OVCH1: variants seen among roughly 807,000 people sequenced by gnomAD.
OVCH1 encodes the protein ovochymase-1.
OVCH1 carries 139 observed loss-of-function variants against 138.4 expected under a neutral mutation model. The ratio of observed to expected loss-of-function variants is 1.00; its 90% CI spans 0.87 to 1.16. The LOEUF (loss-of-function observed/expected upper bound fraction) is 1.16, where lower values mean the gene tolerates loss of function less well. Among genes scored for constraint, OVCH1 ranks in the 50% most tolerant of loss-of-function variants. OVCH1 has a pLI of 0.00. For synonymous variants in OVCH1, 453 were observed against 467.8 expected (o/e 0.97, Z 0.41); for missense variants, 1,367 against 1,357.9 (o/e 1.01, Z -0.11).
At chr12:29,475,262 C>T in intron 13 of OVCH1, 73 bp from the exon 14 acceptor site, 1 of 1,219,262 alleles carries the variant, frequency 8.2e-7, no homozygotes, top group Non-Finnish European at 1.1e-6. Flanking sequence ...AAAATAATCA[C>T]CCAATTTTCT....
At chr12:29,402,284 C>T in the OVCH1 span, among the ~76,000 whole-genome samples, 1 of 152,152 alleles carries the variant, frequency 6.6e-6, no homozygotes, top group Non-Finnish European at 1.5e-5. Flanking sequence ...ATTAGAGAAT[C>T]CCTATTGCAA....
chr12:29,497,258 T>C (rs1470946622), intron 1 of OVCH1, among the ~76,000 whole-genome samples: 3 of 138,922 alleles, frequency 2.2e-5, no homozygotes, highest in African/African-American at 3.2e-5. Context: ...CCAGACCCTG[T>C]CTCAAACAAA....
rs796114866 is a variant in OVCH1, at chr12:29,476,969, G to C, written c.1377+133C>G. ...CCACTCACAGAGATTTCTTTTCAGA[G>C]TAAAAAAAAATGGCAAATGGCTAAA... is the stretch of plus-strand genomic sequence containing the variant. On this transcript the variant is annotated intron_variant, in intron 12 of 27. Coordinates refer to ENST00000318184, the Ensembl canonical transcript of OVCH1. 17 of 1,094,596 alleles carry C rather than the reference G, an allele frequency of 1.6e-5. No individual in the cohort carries two copies. In the African/African-American group the frequency reaches 2.5e-4, roughly 16 times the overall value. The allele number at this position is 1,094,596 out of a possible 1,614,324, so 67.8% of individuals were successfully genotyped here. A position where few individuals can be genotyped will look rare whatever the true frequency, so the allele number is the denominator to read the frequency against.
At chr12:29,451,023 G>A (rs1479889526) in intron 22 of OVCH1, among the ~76,000 whole-genome samples, 2 of 151,424 alleles carry the variant, frequency 1.3e-5, no homozygotes, top group Non-Finnish European at 2.9e-5. Flanking sequence ...TTGGGGGGTG[G>A]GGGGCTAGGG....
intron 22 of OVCH1, among the ~76,000 whole-genome samples, chr12:29,447,341 G>T (rs949712234): frequency 3.3e-5 from 5 of 152,024 alleles, no homozygotes; most frequent in African/African-American, 1.2e-4. Context: ...CTCCATTAAT[G>T]ATTATTTTTA....
intron 26 of OVCH1, among the ~76,000 whole-genome samples, chr12:29,434,060 C>T (rs776003540): frequency 3.3e-5 from 5 of 152,096 alleles, no homozygotes; most frequent in Non-Finnish European, 4.4e-5. Flanking sequence ...AATAGTTACC[C>T]GTTTTCATAA....
intron 14 of OVCH1, among the ~76,000 whole-genome samples, chr12:29,473,960 C>T (rs1592088635): frequency 6.6e-6 from 1 of 151,954 alleles, no homozygotes; most frequent in East Asian, 1.9e-4. Flanking sequence ...CACTGGACTC[C>T]AAGTTCTTCA....
At position 29,443,514 on chromosome 12, in the gene OVCH1, G is replaced by A; in HGVS notation, c.3018-14C>T. 5 of 1,571,150 alleles carry A rather than the reference G, an allele frequency of 3.2e-6. No homozygotes were observed. The highest frequency in any genetic ancestry group is 4.3e-6 in the Non-Finnish European group (5 of 1,156,084). On this transcript the variant is annotated splice_polypyrimidine_tract_variant and intron_variant, in intron 24 of 27. Coordinates refer to ENST00000318184, the Ensembl canonical transcript of OVCH1. ...CTCCATTGGCAACTATGGCATAGAT[G>A]AAACAAAGTCAGAAATTATTTCTAA... is the stretch of plus-strand genomic sequence containing the variant.
At chr12:29,489,084 C>T (rs1299011289) in intron 6 of OVCH1, among the ~76,000 whole-genome samples, 1 of 152,136 alleles carries the variant, frequency 6.6e-6, no homozygotes, top group Non-Finnish European at 1.5e-5. Context: ...AAACTTAAAA[C>T]TCATGTGTTT....
At chr12:29,433,183 G>T (rs73278706) in intron 27 of OVCH1, among the ~76,000 whole-genome samples, 26,345 of 151,862 alleles carry the variant, frequency 0.17, 2,549 homozygotes, top group African/African-American at 0.27. Flanking sequence ...GTTTTGCTGT[G>T]TCCACACCCA....
chr12:29,475,267 T>G (rs1942665419), intron 13 of OVCH1, 78 bp from the exon 14 acceptor site: 2 of 1,187,872 alleles, frequency 1.7e-6, no homozygotes, highest in African/African-American at 3.2e-5. Flanking sequence ...AATCACCCAA[T>G]TTTCTAATCA....
intron 3 of OVCH1, among the ~76,000 whole-genome samples, chr12:29,415,453 A>T (rs1231722769): frequency 1.3e-5 from 2 of 152,196 alleles, no homozygotes; most frequent in Admixed American, 1.3e-4. Flanking sequence ...TCCACGAGAA[A>T]TTTATAAAAT....
intron 3 of OVCH1, among the ~76,000 whole-genome samples, chr12:29,417,450 C>T (rs7975748): frequency 7.7e-6 from 1 of 130,300 alleles, no homozygotes; most frequent in East Asian, 2.3e-4. Flanking sequence ...GTGACAGAAA[C>T]ACTCCGTCTC....
At chr12:29,415,771 C>A (rs1160012223) in intron 3 of OVCH1, among the ~76,000 whole-genome samples, 2 of 152,138 alleles carry the variant, frequency 1.3e-5, no homozygotes, top group Non-Finnish European at 2.9e-5. Context: ...ATCAAAATCA[C>A]AGCAAGGGCT....
chr12:29,495,799 T>C (rs1327892919), intron 3 of OVCH1, among the ~76,000 whole-genome samples: 1 of 152,226 alleles, frequency 6.6e-6, no homozygotes, highest in Non-Finnish European at 1.5e-5. Context: ...ATTAGTACCC[T>C]CTTTTAATCT....
At chr12:29,438,666 G>A (rs536019832) in intron 26 of OVCH1, among the ~76,000 whole-genome samples, 12 of 152,142 alleles carry the variant, frequency 7.9e-5, no homozygotes, top group Admixed American at 3.3e-4. Context: ...TCAAATTTTA[G>A]GGTTATTCCT....
At chr12:29,494,065 A>G (rs1943346313) in intron 4 of OVCH1, among the ~76,000 whole-genome samples, 1 of 152,216 alleles carries the variant, frequency 6.6e-6, no homozygotes, top group Admixed American at 6.5e-5. Flanking sequence ...GGCCTGGCTC[A>G]TGATTACAGA....
chr12:29,443,567 C>T (rs1020636189), intron 24 of OVCH1, 67 bp from the exon 25 acceptor site: 4 of 1,418,938 alleles, frequency 2.8e-6, no homozygotes, highest in Non-Finnish European at 3.8e-6. Context: ...TTATTTTGCT[C>T]AGAAATTAAT....
chr12:29,480,336 A>G (rs1458404021), intron 8 of OVCH1, among the ~76,000 whole-genome samples: 1 of 152,208 alleles, frequency 6.6e-6, no homozygotes, highest in Non-Finnish European at 1.5e-5. Context: ...TTGATAACAA[A>G]AGATTCATCA....
Sources: allele counts gnomAD v4.1 joint callset (sites outside exome capture counted in the v4.1 genomes callset), GRCh38; gene constraint gnomAD v4.1.1; transcripts MANE v1.5; gene names NCBI Gene and HGNC (gene_info 2026-07-23, HGNC 2026-07-21).